The following NBPF9 variants were observed in gnomAD, a reference collection of about 807,000 sequenced individuals.
NBPF9 encodes the protein NBPF member 9, also known as NBPF family member NBPF9.
Under a neutral mutation model 97.8 loss-of-function variants are expected in NBPF9, and 91 were observed. That is an observed-to-expected ratio of 0.93 (90% confidence interval 0.79 to 1.11). NBPF9 has a LOEUF of 1.11. Among genes scored for constraint, NBPF9 ranks in the 50% least tolerant of loss-of-function variants. The pLI is 0.00. For synonymous variants in NBPF9, 334 were observed against 359.5 expected (o/e 0.93, Z 0.80); for missense variants, 992 against 939.5 (o/e 1.06, Z -0.73).
Position 149,059,527 on chromosome 1 carries a change from G to T in NBPF9, c.2585+173C>A, listed in dbSNP as rs1161145292. On this transcript the variant is annotated intron_variant, in intron 25 of 29. Coordinates refer to ENST00000584027, the Ensembl canonical transcript of NBPF9. ...CTATGGTACGTTAGGAAATGATAAG[G>T]GGAGGAAGAAATGGAAACCTAAACA... 7 of 419,136 alleles carry T rather than the reference G, an allele frequency of 1.7e-5. 2 individuals are homozygous for T. Among genetic ancestry groups the T allele is most frequent in the Non-Finnish European group, 3.0e-5 (7 of 233,682 alleles). The allele number at this position is 419,136 out of a possible 1,614,324, so 26.0% of individuals were successfully genotyped here. A position where few individuals can be genotyped will look rare whatever the true frequency, so the allele number is the denominator to read the frequency against.
At position 149,055,722 on chromosome 1, in the gene NBPF9, C is replaced by A. The variant is rs587775961; in HGVS notation, c.3270G>T (p.Arg1090Ser). The A allele has an allele frequency of 4.3e-6, 7 of 1,611,852 alleles. No homozygotes were observed. The Admixed American group carries it at 8.3e-5, about 19-fold the overall frequency. ...GACTTGTCACCGTCAAAGTAAAAAACCTATTGTCCACGTAAAGGGCGAAGC... is the reference window on the plus strand; with the variant it reads ...GACTTGTCACCGTCAAAGTAAAAAAACTATTGTCCACGTAAAGGGCGAAGC... The change falls in exon 30 of 30, where the codon AGG becomes AGT. Residue 1090 changes from arginine to serine, a missense_variant. Transcript: ENST00000584027.
chr1:149,099,930 C>T (rs1399544582), intron 3 of NBPF9, among the ~76,000 whole-genome samples: 1 of 148,632 alleles, frequency 6.7e-6, no homozygotes, highest in Non-Finnish European at 1.5e-5. Context: ...TGCAGAGACC[C>T]ATGATCGTAC....
At chr1:149,063,575 T>C in intron 20 of NBPF9, 58 bp downstream of exon 20, 1 of 616,020 alleles carries the variant, frequency 1.6e-6, no homozygotes. Flanking sequence ...GCAGTAGGAA[T>C]ATGACCCTAA....
chr1:149,070,535 G>A lies in NBPF9; in HGVS notation c.1585+399C>T, dbSNP rs1250173998. Reference sequence around the variant, plus strand: ...CCAGATGAAAGCTGAGAGCAGTGAAGCCTGGGGAACGATATTTCCAAAAAC... The same window carrying A: ...CCAGATGAAAGCTGAGAGCAGTGAAACCTGGGGAACGATATTTCCAAAAAC... On this transcript the variant is annotated intron_variant, in intron 16 of 29. Coordinates refer to ENST00000584027, the Ensembl canonical transcript of NBPF9. Among the ~76,000 whole-genome samples, 4,484 of 144,812 alleles carry A rather than the reference G, an allele frequency of 0.031. 267 individuals carry two copies. In the East Asian group the frequency reaches 0.33, roughly 11 times the overall value.
intron 5 of NBPF9, among the ~76,000 whole-genome samples, chr1:149,084,759 C>G (rs2080852583): frequency 6.6e-6 from 1 of 150,594 alleles, no homozygotes; most frequent in South Asian, 2.1e-4. Context: ...TTGGCAAAGA[C>G]TGGTCAAGCT....
chr1:149,062,223 C>G (rs782561546), exon 22 of NBPF9: 12 of 978,252 alleles, frequency 1.2e-5, no homozygotes, highest in African/African-American at 4.9e-5. Flanking sequence ...GTGAGTCCTG[C>G]AAGACTTCAG....
exon 14 of NBPF9, chr1:149,072,871 G>C: frequency 1.2e-6 from 2 of 1,605,528 alleles, no homozygotes; most frequent in Middle Eastern, 2.3e-4. Flanking sequence ...CTCCCTTCCC[G>C]CAACTTCTCC....
chr1:149,089,151 G>A (rs1367924816), intron 5 of NBPF9, among the ~76,000 whole-genome samples: 73 of 152,112 alleles, frequency 4.8e-4, no homozygotes, highest in Non-Finnish European at 8.4e-4. Flanking sequence ...AAATCCATGC[G>A]GCATCTCCCG....
At chr1:149,093,058 G>A (rs2081510200) in intron 4 of NBPF9, among the ~76,000 whole-genome samples, 2 of 151,898 alleles carry the variant, frequency 1.3e-5, no homozygotes. Context: ...AGTATTTATT[G>A]ATCATTATCG....
At chr1:149,074,974 T>C (rs1314868975) in intron 12 of NBPF9, among the ~76,000 whole-genome samples, 1 of 151,092 alleles carries the variant, frequency 6.6e-6, no homozygotes, top group East Asian at 1.9e-4. Flanking sequence ...ACCACGCCCA[T>C]CTACTTTTTG....
At chr1:149,080,830 G>T in intron 7 of NBPF9, among the ~76,000 whole-genome samples, 1 of 148,012 alleles carries the variant, frequency 6.8e-6, no homozygotes, top group Non-Finnish European at 1.5e-5. Flanking sequence ...AATGTTCAAG[G>T]AGATTGACAG....
chr1:149,063,818 GA>G lies in NBPF9; in HGVS notation c.1854-14del. The G allele has an allele frequency of 1.6e-6, 1 of 631,658 alleles. No homozygotes were observed. Among genetic ancestry groups the G allele is most frequent in the East Asian group, 2.8e-5 (1 of 35,942 alleles). The allele number at this position is 631,658 out of a possible 1,614,324, so 39.1% of individuals were successfully genotyped here. On this transcript the variant is annotated splice_polypyrimidine_tract_variant and intron_variant, in intron 19 of 29. Coordinates refer to ENST00000584027, the Ensembl canonical transcript of NBPF9. The stretch of plus-strand genomic sequence containing the variant: ...CTCCCTGCTGAGCCTGGAAAAGTGG[GA>G]AAAAGTAAAGAATAAGCCAGGGGGA...
chr1:149,064,689 G>A (rs2078912002), intron 18 of NBPF9: 2 of 612,472 alleles, frequency 3.3e-6, no homozygotes, highest in African/African-American at 1.9e-5. Context: ...AAATTCCCCT[G>A]TGTTGGAATG....
intron 18 of NBPF9, chr1:149,065,004 C>G (rs112619534): frequency 1.8e-6 from 1 of 547,648 alleles, no homozygotes; most frequent in Non-Finnish European, 3.3e-6. Flanking sequence ...AGGAACATGA[C>G]GGACAGATGA....
intron 5 of NBPF9, among the ~76,000 whole-genome samples, chr1:149,086,931 TTA>T (rs1403878428): frequency 2.0e-5 from 3 of 152,126 alleles, no homozygotes; most frequent in African/African-American, 7.2e-5. Context: ...CTGATTTGTG[TTA>T]TGTTTAACCT....
intron 18 of NBPF9, chr1:149,064,689 G>T: frequency 1.6e-6 from 1 of 612,590 alleles, no homozygotes. Context: ...AAATTCCCCT[G>T]TGTTGGAATG....
intron 3 of NBPF9, among the ~76,000 whole-genome samples, chr1:149,100,703 G>A (rs1553663088): frequency 6.6e-6 from 1 of 152,272 alleles, no homozygotes; most frequent in African/African-American, 2.4e-5. Context: ...GGAGGCTTAA[G>A]TGGGAAGATT....
chr1:149,079,884 ACTT>A (rs1472025164), intron 8 of NBPF9, among the ~76,000 whole-genome samples, 166 bp downstream of exon 8: 7 of 152,396 alleles, frequency 4.6e-5, no homozygotes, highest in Admixed American at 3.3e-4. Flanking sequence ...GCAACACAGA[ACTT>A]ATTATTATCC....
rs587672222 is a variant in NBPF9, at chr1:149,090,785, G to A, written c.-227C>T. ...CATAGGCTCACATTTGATCCCAACT[G>A]GCGGCTGCTTCTTGGCATTAACTTT... On this transcript the variant is annotated 5_prime_UTR_variant, in exon 5 of 30. The change creates a premature stop within an existing upstream ORF in the 5' untranslated region. Transcript: ENST00000584027. 2 of 551,876 alleles carry A rather than the reference G, an allele frequency of 3.6e-6. No homozygotes were observed. Among genetic ancestry groups the A allele is most frequent in the South Asian group, 4.9e-5 (2 of 40,744 alleles). The allele number at this position is 551,876 out of a possible 1,614,324, so 34.2% of individuals were successfully genotyped here. A position where few individuals can be genotyped will look rare whatever the true frequency, so the allele number is the denominator to read the frequency against.
Sources: gnomAD v4.1 joint callset for allele counts (sites outside exome capture counted in the v4.1 genomes callset) on GRCh38, gnomAD v4.1.1 for gene constraint, MANE v1.5 for transcripts, NCBI Gene and HGNC (gene_info 2026-07-23, HGNC 2026-07-21) for gene names.